The following SUGCT variants were observed in gnomAD, a reference collection of about 807,000 sequenced individuals.
SUGCT encodes the protein succinyl-CoA:glutarate CoA-transferase.
SUGCT carries 41 observed loss-of-function variants against 55.0 expected under a neutral mutation model. The observed-to-expected ratio is 0.74, with a 90% CI of 0.58 to 0.97. The LOEUF is 0.97. Ranked by LOEUF, SUGCT falls within the 50% of genes least tolerant of loss-of-function variation. The pLI, the probability that SUGCT is intolerant of heterozygous loss-of-function variation, is 0.00. For missense variants in SUGCT, 568 were observed against 547.8 expected, an observed-to-expected ratio of 1.04 and a Z score of -0.37; for synonymous variants, 187 against 200.4, an observed-to-expected ratio of 0.93 and a Z score of 0.56.
intron 12 of SUGCT, among the ~76,000 whole-genome samples, chr7:40,628,516 G>A (rs1171611408): frequency 1.3e-5 from 2 of 152,226 alleles, no homozygotes; most frequent in Non-Finnish European, 2.9e-5. Context: ...CCAGATGAGA[G>A]CACACTCAGG....
chr7:40,331,595 G>GCCT (rs1796313521), intron 9 of SUGCT, among the ~76,000 whole-genome samples: 1 of 75,768 alleles, frequency 1.3e-5, no homozygotes, highest in Admixed American at 1.5e-4. Flanking sequence ...GAGACCGCAG[G>GCCT]CCTGCTGCTA....
At chr7:40,731,790 T>TGCAG (rs1786901762) in intron 12 of SUGCT, among the ~76,000 whole-genome samples, 1 of 152,212 alleles carries the variant, frequency 6.6e-6, no homozygotes, top group Admixed American at 6.5e-5. Flanking sequence ...CAATAATATT[T>TGCAG]CTTTATGAAA....
chr7:40,195,201 G>A, intron 6 of SUGCT, 141 bp downstream of exon 6: 1 of 750,998 alleles, frequency 1.3e-6, no homozygotes, highest in Non-Finnish European at 2.0e-6. Flanking sequence ...TTAGGTTGCT[G>A]AACTTACTTT....
intron 12 of SUGCT, among the ~76,000 whole-genome samples, chr7:40,708,767 T>C (rs1785553893): frequency 6.6e-6 from 1 of 152,070 alleles, no homozygotes. Context: ...ATATCACCTC[T>C]TCAATGCACT....
At chr7:40,427,750 A>G (rs1248230172) in intron 9 of SUGCT, among the ~76,000 whole-genome samples, 1 of 152,124 alleles carries the variant, frequency 6.6e-6, no homozygotes, top group African/African-American at 2.4e-5. Flanking sequence ...AGGCCTTCCG[A>G]TTGTAATGCA....
chr7:40,731,491 C>A (rs1041347446), intron 12 of SUGCT, among the ~76,000 whole-genome samples: 1 of 152,130 alleles, frequency 6.6e-6, no homozygotes, highest in Non-Finnish European at 1.5e-5. Context: ...TGCCTTTATA[C>A]TTGAAAGAAA....
At chr7:40,140,660 A>G (rs1033635147) in intron 1 of SUGCT, among the ~76,000 whole-genome samples, 2 of 141,470 alleles carry the variant, frequency 1.4e-5, no homozygotes, top group African/African-American at 6.4e-5. Flanking sequence ...TGGCCTCCCA[A>G]AGTGCTGGGA....
intron 12 of SUGCT, among the ~76,000 whole-genome samples, chr7:40,596,879 A>G (rs1798033104): frequency 6.6e-6 from 1 of 152,216 alleles, no homozygotes. Flanking sequence ...TCTATTATTT[A>G]GAATCAAGTG....
chr7:40,423,556 A>T (rs893544070), intron 9 of SUGCT, among the ~76,000 whole-genome samples: 6 of 152,044 alleles, frequency 3.9e-5, no homozygotes, highest in East Asian at 3.9e-4. Flanking sequence ...CTTAAAAAAA[A>T]TTTTTACTAA....
At chr7:40,264,438 C>T (rs1232864573) in intron 7 of SUGCT, among the ~76,000 whole-genome samples, 1 of 152,082 alleles carries the variant, frequency 6.6e-6, no homozygotes, top group African/African-American at 2.4e-5. Flanking sequence ...ATTAGTGGTT[C>T]AAGTAGAGTG....
intron 12 of SUGCT, among the ~76,000 whole-genome samples, chr7:40,633,394 C>T (rs991532503): frequency 1.3e-5 from 2 of 152,116 alleles, no homozygotes; most frequent in East Asian, 3.9e-4. Context: ...CATTTCTTTG[C>T]AGAAAGATGG....
At chr7:40,361,112 G>C (rs1027864463) in intron 9 of SUGCT, among the ~76,000 whole-genome samples, 21 of 152,180 alleles carry the variant, frequency 1.4e-4, no homozygotes, top group Middle Eastern at 3.4e-3. Context: ...AGGAGGAGTA[G>C]GTTGTGTCTG....
intron 7 of SUGCT, among the ~76,000 whole-genome samples, chr7:40,241,019 G>T (rs1260344876): frequency 6.6e-6 from 1 of 152,230 alleles, no homozygotes; most frequent in Non-Finnish European, 1.5e-5. Context: ...TAATAAGGAA[G>T]TGGGGCCAAA....
intron 13 of SUGCT, among the ~76,000 whole-genome samples, chr7:40,802,313 C>T (rs1397768410): frequency 1.3e-5 from 2 of 151,896 alleles, no homozygotes; most frequent in Admixed American, 6.6e-5. Context: ...CACTCAGACA[C>T]ACACACACAC....
intron 12 of SUGCT, among the ~76,000 whole-genome samples, chr7:40,569,847 G>A (rs1232414141): frequency 1.3e-5 from 2 of 152,072 alleles, no homozygotes; most frequent in Non-Finnish European, 1.5e-5. Context: ...TTAAGCCTTC[G>A]ATTCTGACCT....
intron 11 of SUGCT, among the ~76,000 whole-genome samples, chr7:40,474,584 G>A (rs1462963123): frequency 6.6e-6 from 1 of 152,196 alleles, no homozygotes; most frequent in Non-Finnish European, 1.5e-5. Context: ...GCTGTCAGCA[G>A]CATGGAACTG....
intron 12 of SUGCT, among the ~76,000 whole-genome samples, chr7:40,508,021 C>T (rs1389278407): frequency 6.6e-6 from 1 of 152,228 alleles, no homozygotes; most frequent in Non-Finnish European, 1.5e-5. Context: ...GCTCTCCACT[C>T]TCTCTTCCAC....
intron 12 of SUGCT, among the ~76,000 whole-genome samples, chr7:40,629,576 A>G (rs1023722821): frequency 6.6e-6 from 1 of 152,142 alleles, no homozygotes; most frequent in Non-Finnish European, 1.5e-5. Context: ...AGGCCATTAT[A>G]GAGGGAGAAT....
chr7:40,507,447 G>A (rs1170771259), intron 12 of SUGCT, among the ~76,000 whole-genome samples: 4 of 152,144 alleles, frequency 2.6e-5, no homozygotes, highest in Non-Finnish European at 2.9e-5. Context: ...CGTTGGATGT[G>A]TGTGCTTGAC....
Sources: gnomAD v4.1 joint callset for allele counts (sites outside exome capture counted in the v4.1 genomes callset) on GRCh38, gnomAD v4.1.1 for gene constraint, MANE v1.5 for transcripts, NCBI Gene and HGNC (gene_info 2026-07-23, HGNC 2026-07-21) for gene names.